The following PTPRD variants were observed in gnomAD, a reference collection of about 807,000 sequenced individuals.
The protein encoded by PTPRD is protein tyrosine phosphatase receptor type D, also known as receptor-type tyrosine-protein phosphatase delta.
PTPRD carries 34 observed loss-of-function variants against 214.5 expected under a neutral mutation model. The ratio of observed to expected loss-of-function variants is 0.16; its 90% confidence interval spans 0.12 to 0.21. The LOEUF (loss-of-function observed/expected upper bound fraction) is 0.21. Ranked by LOEUF, PTPRD falls within the 10% of genes least tolerant of loss-of-function variation. The pLI is 1.00. For missense variants in PTPRD, 2,545 were observed against 2,398.7 expected (o/e 1.06, Z -1.27); for synonymous variants, 1,128 against 845.7 (o/e 1.33, Z -5.79).
At chr9:8,933,190 G>C (rs1282535340) in intron 11 of PTPRD, among the ~76,000 whole-genome samples, 1 of 151,866 alleles carries the variant, frequency 6.6e-6, no homozygotes, top group South Asian at 2.1e-4. Context: ...GCCCTTCATG[G>C]GCTGCACCCA....
intron 3 of PTPRD, among the ~76,000 whole-genome samples, chr9:10,276,299 A>C (rs146970206): frequency 2.4e-4 from 37 of 152,332 alleles, no homozygotes; most frequent in African/African-American, 7.2e-4. Context: ...TGACACAGCT[A>C]CACAATCCTG....
intron 6 of PTPRD, among the ~76,000 whole-genome samples, chr9:9,764,744 G>A (rs565190811): frequency 6.6e-6 from 1 of 152,068 alleles, no homozygotes; most frequent in Non-Finnish European, 1.5e-5. Flanking sequence ...AGCTTCTCCA[G>A]GATTCCACGG....
At chr9:9,342,195 A>T (rs888349537) in intron 9 of PTPRD, among the ~76,000 whole-genome samples, 1 of 152,186 alleles carries the variant, frequency 6.6e-6, no homozygotes, top group Non-Finnish European at 1.5e-5. Context: ...AGATTGACAG[A>T]TGTTGTGGTC....
chr9:8,643,576 T>C (rs1342567911), intron 12 of PTPRD, among the ~76,000 whole-genome samples: 2 of 152,082 alleles, frequency 1.3e-5, no homozygotes, highest in Non-Finnish European at 2.9e-5. Flanking sequence ...AAGCGGGGAA[T>C]AGGGGACCCA....
chr9:9,815,223 G>A (rs1184365913), intron 5 of PTPRD, among the ~76,000 whole-genome samples: 1 of 152,074 alleles, frequency 6.6e-6, no homozygotes, highest in African/African-American at 2.4e-5. Flanking sequence ...CCACATATAA[G>A]GTCGGCTAAT....
At chr9:9,594,329 G>A (rs765855643) in intron 7 of PTPRD, among the ~76,000 whole-genome samples, 1 of 151,840 alleles carries the variant, frequency 6.6e-6, no homozygotes, top group East Asian at 1.9e-4. Context: ...TTGGGTTCTT[G>A]GTCATGAAAT....
At chr9:8,640,404 G>C (rs12686852) in intron 12 of PTPRD, among the ~76,000 whole-genome samples, 13,457 of 151,848 alleles carry the variant, frequency 0.089, 708 homozygotes, top group East Asian at 0.18. Flanking sequence ...TGCTACTGTA[G>C]GATTTTATTT....
At chr9:9,626,236 T>A (rs12380006) in intron 7 of PTPRD, among the ~76,000 whole-genome samples, 18,890 of 152,218 alleles carry the variant, frequency 0.12, 1,285 homozygotes, top group Middle Eastern at 0.19. Flanking sequence ...TAACTCAGAA[T>A]ATATCTGCCG....
chr9:9,951,352 C>T (rs1011255609), intron 4 of PTPRD, among the ~76,000 whole-genome samples: 3 of 152,114 alleles, frequency 2.0e-5, no homozygotes, highest in African/African-American at 7.2e-5. Flanking sequence ...AAAATTAGAC[C>T]TAGGTTTTAA....
At chr9:9,633,941 G>A (rs2095672452) in intron 7 of PTPRD, among the ~76,000 whole-genome samples, 1 of 152,172 alleles carries the variant, frequency 6.6e-6, no homozygotes, top group African/African-American at 2.4e-5. Flanking sequence ...AGAAGTCTAT[G>A]TGATTAACTT....
intron 8 of PTPRD, among the ~76,000 whole-genome samples, chr9:9,557,782 G>A (rs1223977984): frequency 6.6e-6 from 1 of 152,212 alleles, no homozygotes. Flanking sequence ...GTTGTCCCAT[G>A]TGTCAGGTCC....
At chr9:8,701,130 C>G (rs1221585294) in intron 12 of PTPRD, among the ~76,000 whole-genome samples, 3 of 151,846 alleles carry the variant, frequency 2.0e-5, no homozygotes, top group Non-Finnish European at 4.4e-5. Context: ...CACTGTACTC[C>G]AGCCTGGACG....
At chr9:10,264,038 G>A (rs151000569) in intron 3 of PTPRD, among the ~76,000 whole-genome samples, 1,715 of 152,276 alleles carry the variant, frequency 0.011, 36 homozygotes, top group African/African-American at 0.039. Flanking sequence ...GCCTGCGAGT[G>A]CACAGAAGTC....
chr9:10,362,022 C>T (rs1166915100), intron 2 of PTPRD, among the ~76,000 whole-genome samples: 3 of 152,110 alleles, frequency 2.0e-5, no homozygotes, highest in East Asian at 3.9e-4. Flanking sequence ...GTTTTCAGTC[C>T]AGGACAGAAT....
intron 5 of PTPRD, among the ~76,000 whole-genome samples, chr9:9,841,839 A>G (rs1354186537): frequency 6.6e-6 from 1 of 152,134 alleles, no homozygotes; most frequent in African/African-American, 2.4e-5. Flanking sequence ...TACTAGCATA[A>G]ATATTTACAC....
intron 27 of PTPRD, among the ~76,000 whole-genome samples, chr9:8,487,647 C>T (rs540597026): frequency 5.1e-4 from 78 of 152,060 alleles, no homozygotes; most frequent in Middle Eastern, 6.8e-3. Flanking sequence ...CCTGTCTCTA[C>T]AAAAAACACA....
At chr9:9,760,942 A>G (rs2098649977) in intron 6 of PTPRD, among the ~76,000 whole-genome samples, 1 of 152,218 alleles carries the variant, frequency 6.6e-6, no homozygotes. Flanking sequence ...TAACTCATAC[A>G]TCACTGCTAG....
intron 35 of PTPRD, among the ~76,000 whole-genome samples, chr9:8,430,693 G>A (rs191811151): frequency 7.9e-5 from 12 of 152,194 alleles, no homozygotes; most frequent in South Asian, 4.2e-4. Flanking sequence ...CCCAGGTGAC[G>A]CCAATGCTGC....
chr9:9,947,972 T>G lies in PTPRD; in HGVS notation c.-471-9362A>C, dbSNP rs549110457. Among the ~76,000 whole-genome samples, 5 of 151,984 alleles carry G rather than the reference T, an allele frequency of 3.3e-5. No individual in the cohort carries two copies. The East Asian group carries it at 9.7e-4, about 29-fold the overall frequency. On this transcript the variant is annotated intron_variant, in intron 4 of 45. Transcript: ENST00000381196. ...AGAAGTTATCTACGAGTTTCCTTGT[T>G]GCAGGAATATCCTGGTAGCAAGATT...
Sources: allele counts gnomAD v4.1 joint callset (sites outside exome capture counted in the v4.1 genomes callset), GRCh38; gene constraint gnomAD v4.1.1; transcripts MANE v1.5; gene names NCBI Gene and HGNC (gene_info 2026-07-23, HGNC 2026-07-21).